The following N4BP3 variants were observed in gnomAD, a reference collection of about 807,000 sequenced individuals.
N4BP3 encodes the protein NEDD4-binding protein 3.
N4BP3 carries 33 observed loss-of-function variants against 43.8 expected under a neutral mutation model. That is an observed-to-expected ratio of 0.75 (90% CI 0.57 to 1.01). The LOEUF (loss-of-function observed/expected upper bound fraction) is 1.01. Ranked by LOEUF, N4BP3 falls within the 50% of genes least tolerant of loss-of-function variation. The pLI is 0.00. For synonymous variants in N4BP3, 326 were observed against 321.9 expected, an observed-to-expected ratio of 1.01 and a Z score of -0.14; for missense variants, 756 against 744.2, an observed-to-expected ratio of 1.02 and a Z score of -0.18.
rs532412456 is a variant in N4BP3 at position 178,122,314 on chromosome 5, G to A, written c.*313G>A. 3.8e-5 allele frequency: 12 copies of A among 317,634 alleles called. No individual in the cohort carries two copies. The South Asian group carries it at 8.3e-4, about 22-fold the overall frequency. 19.7% of individuals were successfully genotyped at this position (317,634 alleles called of 1,614,324 possible). A position where few individuals can be genotyped will look rare whatever the true frequency, so the allele number is the denominator to read the frequency against. ...CCGAAGGGCAGGTCAGAGGGAGAGAGGCTGGAGACCTGGGCTGGGGCCTTC... is the reference window on the plus strand; with the variant it reads ...CCGAAGGGCAGGTCAGAGGGAGAGAAGCTGGAGACCTGGGCTGGGGCCTTC... On this transcript the variant is annotated 3_prime_UTR_variant, in exon 5 of 5. Coordinates refer to ENST00000274605, the MANE Select transcript of N4BP3 (RefSeq NM_015111.2).
At position 178,119,753 on chromosome 5, in the gene N4BP3, G is replaced by T. The variant is rs1757864180; in HGVS notation, c.170G>T (p.Ser57Ile). ...RKGLGQREFL[S>I]YLHLPKKDSK... ...GGCTTGGGCCAGCGTGAGTTCCTCAGCTACCTGCACCTCCCCAAGAAGGAC... is the reference window on the plus strand; with the variant it reads ...GGCTTGGGCCAGCGTGAGTTCCTCATCTACCTGCACCTCCCCAAGAAGGAC... The change falls in exon 2 of 5, where the codon AGC becomes ATC. Residue 57 changes from serine to isoleucine, a missense_variant. Coordinates refer to ENST00000274605, the MANE Select transcript of N4BP3 (RefSeq NM_015111.2). 1 of 1,613,476 alleles carries T rather than the reference G, an allele frequency of 6.2e-7. No homozygotes were observed. Among genetic ancestry groups the T allele is most frequent in the Non-Finnish European group, 8.5e-7 (1 of 1,180,018 alleles).
chr5:178,115,098 T>C (rs1016600155), intron 1 of N4BP3, among the ~76,000 whole-genome samples: 1 of 152,094 alleles, frequency 6.6e-6, no homozygotes, highest in Admixed American at 6.5e-5. Context: ...ATCTGTAAAA[T>C]GGCGTGAGGG....
In N4BP3 at chr5:178,125,368, TAGG is replaced by T. The variant is rs542358051; in HGVS notation, c.*3368_*3370del. 4.7e-4 allele frequency: 71 copies of T among 152,474 alleles called. No individual in the cohort carries two copies. The highest frequency in any genetic ancestry group is 4.1e-4 in the Non-Finnish European group (28 of 68,168). The allele number at this position is 152,474 out of a possible 1,614,324, so 9.4% of individuals were successfully genotyped here. ...GAATCCAGAAGTGTTCAGACAGAACTAGGGACAACAGAGGGGCCTCCATGGTGG... is the reference window on the plus strand; with the variant it reads ...GAATCCAGAAGTGTTCAGACAGAACTGACAACAGAGGGGCCTCCATGGTGG... On this transcript the variant is annotated 3_prime_UTR_variant, in exon 5 of 5. Coordinates refer to ENST00000274605, the MANE Select transcript of N4BP3 (RefSeq NM_015111.2).
At position 178,119,120 on chromosome 5, in the gene N4BP3, T is replaced by C. The variant is rs527564338; in HGVS notation, c.-30-434T>C. ...ACCTTGTGATCTGCCTGCCTTAGCC[T>C]CCCAAAGTGCTGGGATTACAGGCGT... On this transcript the variant is annotated intron_variant, in intron 1 of 4. Transcript: ENST00000274605. Among the ~76,000 whole-genome samples the C allele has an allele frequency of 4.0e-3, 607 of 152,274 alleles. 7 individuals are homozygous for C. Among genetic ancestry groups the C allele is most frequent in the African/African-American group, 0.014 (578 of 41,564 alleles).
In N4BP3 at chr5:178,123,990, C is replaced by G. The variant is rs190138194; in HGVS notation, c.*1989C>G. The G allele has an allele frequency of 6.5e-6, 1 of 152,762 alleles. No individual in the cohort carries two copies. The highest frequency in any genetic ancestry group is 2.1e-4 in the South Asian group (1 of 4,838). The allele number at this position is 152,762 out of a possible 1,614,324, so 9.5% of individuals were successfully genotyped here. A position where few individuals can be genotyped will look rare whatever the true frequency, so the allele number is the denominator to read the frequency against. On this transcript the variant is annotated 3_prime_UTR_variant, in exon 5 of 5. Coordinates refer to ENST00000274605, the MANE Select transcript of N4BP3 (RefSeq NM_015111.2). Reference sequence around the variant, plus strand: ...AGGCAGGCCAGTCGTCTACACACCCCCTTGGTACCCATTCCCATTTCACAA... The same window carrying G: ...AGGCAGGCCAGTCGTCTACACACCCGCTTGGTACCCATTCCCATTTCACAA...
intron 1 of N4BP3, among the ~76,000 whole-genome samples, chr5:178,115,768 C>T (rs575424218): frequency 7.8e-4 from 119 of 152,312 alleles, no homozygotes; most frequent in African/African-American, 2.7e-3. Context: ...AAAGAAAGCG[C>T]GTCCTCTCCT....
chr5:178,120,222 G>A lies in N4BP3; in HGVS notation c.375G>A (p.Gly125=), dbSNP rs1315579942. ...PSVFKPTAGN[G]KGFLSMQSLA... is the part of the protein sequence containing the mutation. ...TGTTCAAGCCTACGGCGGGCAACGG[G>A]AAAGGCTTCCTATCCATGCAAAGTC... The change falls in exon 3 of 5, where the codon GGG becomes GGA. Residue 125 remains glycine (G), a synonymous_variant. Coordinates refer to ENST00000274605, the MANE Select transcript of N4BP3 (RefSeq NM_015111.2). 1 of 1,594,616 alleles carries A rather than the reference G, an allele frequency of 6.3e-7. No homozygotes were observed. The highest frequency in any genetic ancestry group is 8.6e-7 in the Non-Finnish European group (1 of 1,167,908).
In N4BP3 at chr5:178,126,044, C is replaced by G. The variant is rs1758057131; in HGVS notation, c.*4043C>G. ...TGAAGAGCCAGAAATAGATTCTATT[C>G]TGTAGAAAATCTTACACAATAAAGG... On this transcript the variant is annotated 3_prime_UTR_variant, in exon 5 of 5. Coordinates refer to ENST00000274605, the MANE Select transcript of N4BP3 (RefSeq NM_015111.2). 1 of 152,124 alleles carries G rather than the reference C, an allele frequency of 6.6e-6. No individual in the cohort carries two copies. Among genetic ancestry groups the G allele is most frequent in the Non-Finnish European group, 1.5e-5 (1 of 68,042 alleles). 9.4% of individuals were successfully genotyped at this position (152,124 alleles called of 1,614,324 possible).
At chr5:178,117,502 T>C (rs1490149316) in intron 1 of N4BP3, among the ~76,000 whole-genome samples, 1 of 150,936 alleles carries the variant, frequency 6.6e-6, no homozygotes, top group Non-Finnish European at 1.5e-5. Context: ...TTTTAGCTAC[T>C]CAGGAGGCTG....
intron 1 of N4BP3, among the ~76,000 whole-genome samples, chr5:178,117,977 G>A (rs1356765263): frequency 2.0e-5 from 3 of 152,176 alleles, no homozygotes; most frequent in Non-Finnish European, 4.4e-5. Flanking sequence ...ATTGTTCGGG[G>A]GCAGGAGTGG....
chr5:178,115,341 A>ACC (rs886146644), intron 1 of N4BP3, among the ~76,000 whole-genome samples: 3 of 144,758 alleles, frequency 2.1e-5, no homozygotes, highest in African/African-American at 7.7e-5. Context: ...CTTGCCTACT[A>ACC]CCCCCCCCTT....
chr5:178,116,297 A>G (rs2113285306), intron 1 of N4BP3, among the ~76,000 whole-genome samples: 1 of 152,234 alleles, frequency 6.6e-6, no homozygotes. Context: ...GGACCCCTTT[A>G]GGAAAAGAGA....
At position 178,120,560 on chromosome 5, in the gene N4BP3, T is replaced by C. The variant is rs768532906; in HGVS notation, c.713T>C (p.Leu238Pro). The part of the protein sequence containing the change: ...GPKEAGPPAV[L>P]SCLPEPPPPY... The stretch of plus-strand genomic sequence containing the variant: ...AAGGAGGCTGGGCCACCAGCTGTGC[T>C]GAGCTGCCTGCCCGAGCCACCACCC... The change falls in exon 3 of 5, where the codon CTG becomes CCG. Residue 238 changes from leucine (L) to proline (P), a missense_variant. Transcript: ENST00000274605. 4.3e-6 allele frequency: 7 copies of C among 1,613,016 alleles called. 1 individual carries two copies. The South Asian group carries it at 7.7e-5, about 18-fold the overall frequency.
At position 178,125,282 on chromosome 5, in the gene N4BP3, G is replaced by T. The variant is rs977647099; in HGVS notation, c.*3281G>T. The T allele has an allele frequency of 2.0e-5, 3 of 152,720 alleles. No individual in the cohort carries two copies. The highest frequency in any genetic ancestry group is 7.2e-5 in the African/African-American group (3 of 41,604). The allele number at this position is 152,720 out of a possible 1,614,324, so 9.5% of individuals were successfully genotyped here. On this transcript the variant is annotated 3_prime_UTR_variant, in exon 5 of 5. Transcript: ENST00000274605. ...GGGGAGGGAGACCACACATGTCAGA[G>T]GTAGTGAAGGCCGCTCCAAATAGTG...
rs186105501 is a variant in N4BP3, at chr5:178,119,268, G to T, written c.-30-286G>T. 3.2e-4 allele frequency among the ~76,000 whole-genome samples: 48 copies of T among 152,324 alleles called. No individual in the cohort carries two copies. In the East Asian group the frequency reaches 8.3e-3, roughly 26 times the overall value. ...CCCGGTACTTCTGAATCCCACACAG[G>T]CCCCGAGGTGGAGCTGGCCCTTCGG... On this transcript the variant is annotated intron_variant, in intron 1 of 4. Coordinates refer to ENST00000274605, the MANE Select transcript of N4BP3 (RefSeq NM_015111.2).
At position 178,119,834 on chromosome 5, in the gene N4BP3, C is replaced by A. The variant is rs1757868082; in HGVS notation, c.251C>A (p.Ala84Asp). 1 of 1,613,048 alleles carries A rather than the reference C, an allele frequency of 6.2e-7. No homozygotes were observed. The highest frequency in any genetic ancestry group is 1.3e-5 in the African/African-American group (1 of 74,926). ...CCTCGGAACGAGCCTGCCGACTATG[C>A]CACCCTCTACTACCGGGAACATTCT... ...RAPRNEPADY[A>D]TLYYREHSRA... Residue 84 changes from alanine to aspartate, a missense_variant, in exon 2 of 5, where the codon GCC (alanine) becomes GAC (aspartate). Coordinates refer to ENST00000274605, the MANE Select transcript of N4BP3 (RefSeq NM_015111.2).
At position 178,118,974 on chromosome 5, in the gene N4BP3, T is replaced by G. The variant is rs1581090493; in HGVS notation, c.-30-580T>G. Among the ~76,000 whole-genome samples the G allele has an allele frequency of 6.6e-6, 1 of 151,782 alleles. No homozygotes were observed. The highest frequency in any genetic ancestry group is 1.5e-5 in the Non-Finnish European group (1 of 67,956). ...TCTGCCTCCCAGGTTCATGCCATTC[T>G]CCAGCCTCAGCCTCCCGAGTAGCTG... On this transcript the variant is annotated intron_variant, in intron 1 of 4. Transcript: ENST00000274605. The surrounding 1 kb of genome is among the most constrained non-coding windows in gnomAD (Gnocchi z 5.4).
At chr5:178,119,404 C>T (rs372313344) in intron 1 of N4BP3, 150 bp from the exon 2 acceptor site, 2 of 525,846 alleles carry the variant, frequency 3.8e-6, no homozygotes, top group African/African-American at 2.0e-5. Flanking sequence ...GGGATCCTGT[C>T]CCGGGGTTCT....
At position 178,120,278 on chromosome 5, in the gene N4BP3, G is replaced by A. The variant is rs747086248; in HGVS notation, c.431G>A (p.Arg144His). The change falls in exon 3 of 5, where the codon CGC becomes CAC. Residue 144 changes from arginine to histidine, a missense_variant. Arg to His is a conservative substitution (Grantham distance 29, BLOSUM62 0). Coordinates refer to ENST00000274605, the MANE Select transcript of N4BP3 (RefSeq NM_015111.2). ...LASHKGQKLW[R>H]SNGSLHTLAC... ...TCCCACAAAGGCCAGAAGCTGTGGC[G>A]CAGCAATGGCAGCCTGCACACGCTG... is the stretch of plus-strand genomic sequence containing the variant. 3.1e-6 allele frequency: 5 copies of A among 1,610,260 alleles called. No homozygotes were observed. The highest frequency in any genetic ancestry group is 1.7e-5 in the Admixed American group (1 of 59,850).
Sources: allele counts gnomAD v4.1 joint callset (sites outside exome capture counted in the v4.1 genomes callset), GRCh38; gene constraint gnomAD v4.1.1; non-coding constraint Gnocchi (gnomAD v3.1); transcripts MANE v1.5; gene names NCBI Gene and HGNC (gene_info 2026-07-23, HGNC 2026-07-21).